The following TACC1 variants were observed in gnomAD, a reference collection of about 807,000 sequenced individuals.
TACC1 encodes transforming acidic coiled-coil containing protein 1.
A neutral mutation model predicts 84.4 loss-of-function variants in TACC1; 48 were observed. The observed-to-expected ratio is 0.57, with a 90% CI of 0.45 to 0.72. The LOEUF is 0.72. TACC1 is among the 30% of genes least tolerant of loss of function. The pLI, the probability that TACC1 is intolerant of heterozygous loss-of-function variation, is 0.00. For synonymous variants in TACC1, 372 were observed against 376.3 expected (o/e 0.99, Z 0.13); for missense variants, 920 against 973.0 (o/e 0.95, Z 0.72).
chr8:38,833,634 G>A (rs1458778415), intron 6 of TACC1, among the ~76,000 whole-genome samples: 1 of 152,194 alleles, frequency 6.6e-6, no homozygotes, highest in Non-Finnish European at 1.5e-5. Context: ...CCCCACATGT[G>A]TTAGCATTGA....
In TACC1 at chr8:38,846,770, G is replaced by A. The variant is rs1477542056; in HGVS notation, c.2300G>A (p.Arg767His). The A allele has an allele frequency of 3.7e-6, 6 of 1,614,022 alleles. No homozygotes were observed. The highest frequency in any genetic ancestry group is 2.2e-5 in the East Asian group (1 of 44,898). The change falls in exon 12 of 13, where the codon CGC becomes CAC. Residue 767 changes from arginine (R) to histidine (H), a missense_variant. By Grantham distance (29) the Arg-to-His change is conservative. Around this residue, in one of 2 missense-constraint regions of TACC1, gnomAD observed 158 missense variants for 225.6 expected, o/e 0.70. Coordinates refer to ENST00000317827, the MANE Select transcript of TACC1 (RefSeq NM_006283.3). Reference protein sequence around the residue: ...AESAALHAGLRKEQMKVESLE... With the variant: ...AESAALHAGLHKEQMKVESLE... ...AGTGCAGCTCTCCATGCTGGACTCC[G>A]CAAAGAGCAGATGAAGGTGGAGTCC...
At chr8:38,742,469 C>T in intron 2 of TACC1, 2 of 1,515,852 alleles carry the variant, frequency 1.3e-6, no homozygotes, top group East Asian at 2.5e-5. Context: ...TTTTCTTTGA[C>T]ATTGAATATA....
rs187349443 is a variant in TACC1 at position 38,793,778 on chromosome 8, C to T, written c.277+4959C>T. Among the ~76,000 whole-genome samples the T allele has an allele frequency of 7.1e-4, 108 of 152,216 alleles. No individual in the cohort carries two copies. The Middle Eastern group carries it at 0.01, about 14-fold the overall frequency. On this transcript the variant is annotated intron_variant, in intron 2 of 12. Coordinates refer to ENST00000317827, the MANE Select transcript of TACC1 (RefSeq NM_006283.3). ...ATAAAGTTATTGGAATACAGCCATA[C>T]TCATTCATTCATGTATTGTCTATGG...
intron 1 of TACC1, among the ~76,000 whole-genome samples, chr8:38,734,818 G>A (rs1478231710): frequency 6.6e-6 from 1 of 152,270 alleles, no homozygotes; most frequent in Non-Finnish European, 1.5e-5. Context: ...AACAAGCAAG[G>A]GTGCCTGCGG....
intron 3 of TACC1, among the ~76,000 whole-genome samples, chr8:38,768,110 AGG>A (rs1812621042): frequency 7.0e-6 from 1 of 143,356 alleles, no homozygotes; most frequent in Non-Finnish European, 1.5e-5. Context: ...GAAGGAAGGA[AGG>A]AAGGAAGGTA....
chr8:38,824,061 C>G (rs375211600), intron 3 of TACC1: 2 of 1,346,582 alleles, frequency 1.5e-6, no homozygotes, highest in Non-Finnish European at 2.0e-6. Context: ...TCCCTGGGAC[C>G]GTTGGCAGTT....
chr8:38,774,437 G>A (rs907108761), intron 3 of TACC1, among the ~76,000 whole-genome samples: 1 of 152,134 alleles, frequency 6.6e-6, no homozygotes, highest in African/African-American at 2.4e-5. Flanking sequence ...ATGAATGAAT[G>A]AATGAATGAA....
At chr8:38,764,982 C>T (rs1298345028) in intron 3 of TACC1, among the ~76,000 whole-genome samples, 1 of 151,918 alleles carries the variant, frequency 6.6e-6, no homozygotes, top group East Asian at 1.9e-4. Context: ...GCCTATAATC[C>T]CAGCTACTCA....
At chr8:38,811,950 C>T (rs1428907378) in intron 2 of TACC1, among the ~76,000 whole-genome samples, 2 of 152,050 alleles carry the variant, frequency 1.3e-5, no homozygotes, top group Admixed American at 6.5e-5. Flanking sequence ...AATTAATACC[C>T]TGGGGAAAGA....
At chr8:38,734,654 A>C (rs1274579787) in intron 1 of TACC1, among the ~76,000 whole-genome samples, 1 of 152,212 alleles carries the variant, frequency 6.6e-6, no homozygotes, top group Non-Finnish European at 1.5e-5. Context: ...GGAACTTTCC[A>C]TAGTTTGACT....
chr8:38,843,245 G>A, intron 10 of TACC1, 44 bp from the exon 11 acceptor site: 1 of 1,375,576 alleles, frequency 7.3e-7, no homozygotes, highest in Non-Finnish European at 9.9e-7. Context: ...TAGATTAGAA[G>A]AAACAAAATG....
Position 38,787,333 on chromosome 8 carries a change from A to C in TACC1, c.-250A>C. 1.4e-5 allele frequency: 17 copies of C among 1,258,864 alleles called. No homozygotes were observed. Among genetic ancestry groups the C allele is most frequent in the East Asian group, 7.5e-5 (2 of 26,664 alleles). The allele number at this position is 1,258,864 out of a possible 1,614,324, so 78.0% of individuals were successfully genotyped here. The stretch of plus-strand genomic sequence containing the variant: ...CCACAGGACGGGCGTCTTCCCGGCT[A>C]GTGGAGCCCGGCGCGGGGCCCGCTG... On this transcript the variant is annotated 5_prime_UTR_variant, in exon 1 of 13. Transcript: ENST00000317827.
At chr8:38,837,968 C>T (rs2152308739) in intron 7 of TACC1, among the ~76,000 whole-genome samples, 1 of 152,360 alleles carries the variant, frequency 6.6e-6, no homozygotes, top group East Asian at 1.9e-4. Context: ...CATCTGAGCC[C>T]CCTCCTTCTG....
chr8:38,794,855 C>T (rs1284463741), intron 2 of TACC1, among the ~76,000 whole-genome samples: 1 of 152,130 alleles, frequency 6.6e-6, no homozygotes, highest in African/African-American at 2.4e-5. Flanking sequence ...GCAGTCCAAC[C>T]CATGTGGCTC....
At chr8:38,745,092 T>C (rs1807815741) in exon 3 of TACC1, 1 of 172,158 alleles carries the variant, frequency 5.8e-6, no homozygotes, top group Non-Finnish European at 1.2e-5. Flanking sequence ...AGTGAGGAGA[T>C]CATGAATGCT....
chr8:38,787,763 G>C lies in TACC1; in HGVS notation c.161+20G>C. ...TTTCAGGCAAGTACACGGCGTCCCC[G>C]CTGAGATGCAGACGCGCTTGCCTCC... On this transcript the variant is annotated intron_variant, in intron 1 of 12. Transcript: ENST00000317827. 6.6e-7 allele frequency: 1 copy of C among 1,503,908 alleles called. No individual in the cohort carries two copies. Among genetic ancestry groups the C allele is most frequent in the Non-Finnish European group, 8.8e-7 (1 of 1,134,844 alleles). The allele number at this position is 1,503,908 out of a possible 1,614,324, so 93.2% of individuals were successfully genotyped here. A position where few individuals can be genotyped will look rare whatever the true frequency, so the allele number is the denominator to read the frequency against.
intron 3 of TACC1, among the ~76,000 whole-genome samples, chr8:38,766,227 G>GT (rs745756022): frequency 6.6e-6 from 1 of 152,108 alleles, no homozygotes; most frequent in African/African-American, 2.4e-5. Flanking sequence ...AACACTTACT[G>GT]TTACAGATAC....
chr8:38,749,582 T>G (rs1313947991), intron 3 of TACC1, among the ~76,000 whole-genome samples: 1 of 151,976 alleles, frequency 6.6e-6, no homozygotes, highest in Admixed American at 6.6e-5. Flanking sequence ...AGTTTTTTTT[T>G]GTTTGTTTTG....
intron 3 of TACC1, among the ~76,000 whole-genome samples, chr8:38,771,244 G>A (rs1227202126): frequency 6.6e-6 from 1 of 152,130 alleles, no homozygotes; most frequent in Non-Finnish European, 1.5e-5. Context: ...TGGAGTTGGG[G>A]ATGGAGCCAG....
Sources: gnomAD v4.1 joint callset for allele counts (sites outside exome capture counted in the v4.1 genomes callset) on GRCh38, gnomAD v4.1.1 for gene constraint, gnomAD v4.1.1 regional missense constraint, MANE v1.5 for transcripts, NCBI Gene and HGNC (gene_info 2026-07-23, HGNC 2026-07-21) for gene names.